Variants in HDAC11 observed in about 807,000 individuals in gnomAD.
HDAC11 encodes histone deacetylase 11.
A neutral mutation model predicts 41.1 loss-of-function variants in HDAC11; 23 were observed. The observed-to-expected ratio is 0.56, with a 90% confidence interval of 0.40 to 0.79. The LOEUF is 0.79. HDAC11 is among the 30% of genes least tolerant of loss of function. HDAC11 has a pLI of 0.00. For missense variants in HDAC11, 402 were observed against 477.3 expected (o/e 0.84, Z 1.47); for synonymous variants, 187 against 186.6 (o/e 1.00, Z -0.02).
intron 4 of HDAC11, 127 bp downstream of exon 4, chr3:13,496,979 G>T (rs957718639): frequency 2.5e-5 from 13 of 513,598 alleles, no homozygotes; most frequent in Non-Finnish European, 3.8e-5. Context: ...ATTCCTCAAG[G>T]CTCGGCAACA....
Position 13,504,642 on chromosome 3 carries a change from C to G in HDAC11, c.1003C>G (p.Gln335Glu). Residue 335 changes from glutamine to glutamate, a missense_variant, in exon 10 of 10, where the codon CAG (glutamine) becomes GAG (glutamate). Coordinates refer to ENST00000295757, the MANE Select transcript of HDAC11 (RefSeq NM_024827.4). ...GCCTGAGTCACCCAGCGTCTCCGCACAGAACTCAGACACACCGCTGCTTCC... is the reference window on the plus strand; with the variant it reads ...GCCTGAGTCACCCAGCGTCTCCGCAGAGAACTCAGACACACCGCTGCTTCC... ...IGPESPSVSAQNSDTPLLPPA... is the reference protein window; with the variant it reads ...IGPESPSVSAENSDTPLLPPA... 6.2e-7 allele frequency: 1 copy of G among 1,613,892 alleles called. No homozygotes were observed. Among genetic ancestry groups the G allele is most frequent in the Non-Finnish European group, 8.5e-7 (1 of 1,180,042 alleles).
Position 13,505,226 on chromosome 3 carries a change from A to G in HDAC11, c.*543A>G, listed in dbSNP as rs138394522. ...AGGTCTCCAGGTGGGCCTGGTTCCCAGGCAGCAGGTGGGAACCCTGGGCCT... is the reference window on the plus strand; with the variant it reads ...AGGTCTCCAGGTGGGCCTGGTTCCCGGGCAGCAGGTGGGAACCCTGGGCCT... On this transcript the variant is annotated 3_prime_UTR_variant, in exon 10 of 10. Transcript: ENST00000295757. 561 of 162,292 alleles carry G rather than the reference A, an allele frequency of 3.5e-3. 5 individuals carry two copies. The highest frequency in any genetic ancestry group is 0.013 in the African/African-American group (544 of 41,792). The allele number at this position is 162,292 out of a possible 1,614,324, so 10.1% of individuals were successfully genotyped here. A position where few individuals can be genotyped will look rare whatever the true frequency, so the allele number is the denominator to read the frequency against.
rs1293465128 is a variant in HDAC11 at position 13,504,996 on chromosome 3, G to A, written c.*313G>A. 2.3e-6 allele frequency: 1 copy of A among 433,420 alleles called. No individual in the cohort carries two copies. The highest frequency in any genetic ancestry group is 4.4e-5 in the East Asian group (1 of 22,924). 26.8% of individuals were successfully genotyped at this position (433,420 alleles called of 1,614,324 possible). A position where few individuals can be genotyped will look rare whatever the true frequency, so the allele number is the denominator to read the frequency against. Reference sequence around the variant, plus strand: ...GAGGACAGGCTAGGTCCCAGGCACAGCGAGGGCCCTGGGCTTGGGGTGTTC... The same window carrying A: ...GAGGACAGGCTAGGTCCCAGGCACAACGAGGGCCCTGGGCTTGGGGTGTTC... On this transcript the variant is annotated 3_prime_UTR_variant, in exon 10 of 10. Coordinates refer to ENST00000295757, the MANE Select transcript of HDAC11 (RefSeq NM_024827.4).
chr3:13,504,567 C>CGCATCA lies in HDAC11; in HGVS notation c.929_934dup (p.Ile311_Ile312insSerIle). 6.2e-7 allele frequency: 1 copy of CGCATCA among 1,613,682 alleles called. No homozygotes were observed. Among genetic ancestry groups the CGCATCA allele is most frequent in the Middle Eastern group, 1.6e-4 (1 of 6,062 alleles). On this transcript the variant is annotated inframe_insertion, in exon 10 of 10. Transcript: ENST00000295757. ...AGGCGGGTACCAGAAGCGCACAGCC[C>CGCATCA]GCATCATTGCTGACTCCATACTTAA...
intron 1 of HDAC11, chr3:13,481,012 A>G (rs936124022): frequency 1.8e-6 from 1 of 557,902 alleles, no homozygotes; most frequent in African/African-American, 1.9e-5. Context: ...CTGCTCTCTG[A>G]GCCTCTGGTG....
In HDAC11 at chr3:13,505,963, C is replaced by T. The variant is rs1372880567; in HGVS notation, c.*1280C>T. On this transcript the variant is annotated 3_prime_UTR_variant, in exon 10 of 10. Transcript: ENST00000295757. ...TGGGTCCATTGAGGTGGCCCTGCTC[C>T]ATCAGCCCCCTACGGGACTTGTGTT... The T allele has an allele frequency of 6.6e-6, 1 of 152,246 alleles. No homozygotes were observed. Among genetic ancestry groups the T allele is most frequent in the African/African-American group, 2.4e-5 (1 of 41,436 alleles). 9.4% of individuals were successfully genotyped at this position (152,246 alleles called of 1,614,324 possible). A position where few individuals can be genotyped will look rare whatever the true frequency, so the allele number is the denominator to read the frequency against.
intron 3 of HDAC11, among the ~76,000 whole-genome samples, chr3:13,491,112 G>A (rs956615114): frequency 3.1e-5 from 4 of 128,184 alleles, no homozygotes; most frequent in African/African-American, 5.7e-5. Context: ...GTGTGTGTGT[G>A]TATTCTTTAG....
intron 4 of HDAC11, among the ~76,000 whole-genome samples, chr3:13,497,092 A>G (rs2125008392): frequency 6.6e-6 from 1 of 152,278 alleles, no homozygotes; most frequent in East Asian, 1.9e-4. Flanking sequence ...CGTAATTGCT[A>G]GTATATAATA....
At chr3:13,501,635 A>C in intron 6 of HDAC11, 1 of 703,944 alleles carries the variant, frequency 1.4e-6, no homozygotes, top group Non-Finnish European at 2.7e-6. Flanking sequence ...TTCAGGGCAC[A>C]GGACATGCCC....
intron 3 of HDAC11, among the ~76,000 whole-genome samples, chr3:13,493,291 G>A (rs1038192568): frequency 2.0e-5 from 3 of 152,008 alleles, no homozygotes; most frequent in African/African-American, 4.8e-5. Flanking sequence ...ACCACATAGA[G>A]CCTGCTCTAG....
chr3:13,503,055 CT>C, intron 8 of HDAC11, 75 bp downstream of exon 8: 1 of 1,118,726 alleles, frequency 8.9e-7, no homozygotes, highest in Non-Finnish European at 1.4e-6. Flanking sequence ...CTCCTGTCTG[CT>C]AGGCCCTGCA....
intron 3 of HDAC11, among the ~76,000 whole-genome samples, chr3:13,485,418 G>A (rs1394443381): frequency 6.6e-6 from 1 of 152,220 alleles, no homozygotes; most frequent in African/African-American, 2.4e-5. Context: ...CCAGAGTCCC[G>A]AGGGTGAGGG....
At chr3:13,485,854 A>G (rs1701536164) in intron 3 of HDAC11, among the ~76,000 whole-genome samples, 1 of 152,198 alleles carries the variant, frequency 6.6e-6, no homozygotes, top group African/African-American at 2.4e-5. Flanking sequence ...TAGGAGGAGA[A>G]TTCAGGTATG....
At position 13,496,770 on chromosome 3, in the gene HDAC11, C is replaced by G. The variant is rs774029669; in HGVS notation, c.287C>G (p.Pro96Arg). Residue 96 changes from proline to arginine, a missense_variant, in exon 4 of 10, where the codon CCC (proline) becomes CGC (arginine). Physicochemically the swap from Pro to Arg is moderately radical, Grantham distance 103. Coordinates refer to ENST00000295757, the MANE Select transcript of HDAC11 (RefSeq NM_024827.4). ...SFAVATITEI[P>R]PVIFLPNFLV... ...GCTGTTGCTACCATCACAGAAATCC[C>G]CCCCGTTATCTTCCTCCCCAACTTC... 1 of 1,608,456 alleles carries G rather than the reference C, an allele frequency of 6.2e-7. No homozygotes were observed. The highest frequency in any genetic ancestry group is 8.5e-7 in the Non-Finnish European group (1 of 1,177,556).
At chr3:13,481,534 C>A in intron 2 of HDAC11, 140 bp downstream of exon 2, 2 of 927,484 alleles carry the variant, frequency 2.2e-6, no homozygotes, top group Non-Finnish European at 3.3e-6. Context: ...TGCTTCCGCC[C>A]AAAATGATTT....
rs1241583162 is a variant in HDAC11, at chr3:13,502,762, C to T, written c.553-122C>T. On this transcript the variant is annotated intron_variant, in intron 7 of 9. Coordinates refer to ENST00000295757, the MANE Select transcript of HDAC11 (RefSeq NM_024827.4). This position sits in a 1 kb window ranked among gnomAD's most constrained non-coding sequence, Gnocchi z 4.1. ...CCCTTAACAGTCATGAGACCTGCTG[C>T]CCCCGAGAGCAGGCCGTGCTGCCCT... 4.3e-6 allele frequency: 3 copies of T among 691,568 alleles called. No individual in the cohort carries two copies. Among genetic ancestry groups the T allele is most frequent in the South Asian group, 1.7e-5 (1 of 60,410 alleles). 42.8% of individuals were successfully genotyped at this position (691,568 alleles called of 1,614,324 possible).
intron 2 of HDAC11, among the ~76,000 whole-genome samples, chr3:13,482,951 A>G (rs977108285): frequency 4.6e-5 from 7 of 151,772 alleles, no homozygotes; most frequent in Non-Finnish European, 1.0e-4. Flanking sequence ...CGGTCTCACT[A>G]TGTTGTCTAG....
intron 2 of HDAC11, 84 bp from the exon 3 acceptor site, chr3:13,483,380 A>C (rs1396914518): frequency 8.5e-7 from 1 of 1,178,062 alleles, no homozygotes; most frequent in Non-Finnish European, 1.3e-6. Context: ...GCCACAGGCC[A>C]AGTCTGCAGC....
chr3:13,493,628 G>A (rs1701961870), intron 3 of HDAC11, among the ~76,000 whole-genome samples: 1 of 152,252 alleles, frequency 6.6e-6, no homozygotes, highest in South Asian at 2.1e-4. Flanking sequence ...TAGGGTGTTG[G>A]CAACCACATC....
Sources: gnomAD v4.1 joint callset for allele counts (sites outside exome capture counted in the v4.1 genomes callset) on GRCh38, gnomAD v4.1.1 for gene constraint, Gnocchi (gnomAD v3.1) non-coding constraint, MANE v1.5 for transcripts, NCBI Gene and HGNC (gene_info 2026-07-23, HGNC 2026-07-21) for gene names.